The following TENM3 variants were observed in gnomAD, a reference collection of about 807,000 sequenced individuals.
TENM3 encodes the protein teneurin-3.
A neutral mutation model predicts 255.1 loss-of-function variants in TENM3; 63 were observed. The observed-to-expected ratio is 0.25, with a 90% CI of 0.20 to 0.30. TENM3 has a LOEUF of 0.30. Ranked by LOEUF, TENM3 falls within the 10% of genes least tolerant of loss-of-function variation. TENM3 has a pLI of 1.00. For missense variants in TENM3, 2,929 were observed against 3,461.1 expected (o/e 0.85, Z 3.86); for synonymous variants, 1,306 against 1,322.3 (o/e 0.99, Z 0.27).
chr4:181,735,809 G>T, the TENM3 span, among the ~76,000 whole-genome samples: 2 of 151,954 alleles, frequency 1.3e-5, no homozygotes, highest in East Asian at 1.9e-4. Flanking sequence ...TGCTGTATGG[G>T]TTCTCACTAA....
the TENM3 span, among the ~76,000 whole-genome samples, chr4:181,939,048 T>G: frequency 4.6e-5 from 7 of 152,264 alleles, no homozygotes; most frequent in South Asian, 1.5e-3. Flanking sequence ...TTCTAGGGGT[T>G]AATAAGTAAT....
At chr4:181,654,014 G>A in the TENM3 span, among the ~76,000 whole-genome samples, 1 of 151,850 alleles carries the variant, frequency 6.6e-6, no homozygotes, top group East Asian at 2.0e-4. Context: ...AGTCAGGCTG[G>A]CAAACTGAGT....
chr4:182,319,122 T>C (rs572181377), intron 1 of TENM3, among the ~76,000 whole-genome samples: 1 of 152,336 alleles, frequency 6.6e-6, no homozygotes, highest in South Asian at 2.1e-4. Context: ...GTCACCTTTC[T>C]AATGGCTTTC....
chr4:181,959,809 T>G, the TENM3 span, among the ~76,000 whole-genome samples: 1 of 152,190 alleles, frequency 6.6e-6, no homozygotes, highest in Non-Finnish European at 1.5e-5. Context: ...TGGCAGGTAG[T>G]AGATGTGAGT....
intron 4 of TENM3, among the ~76,000 whole-genome samples, chr4:182,625,104 G>T (rs895711084): frequency 6.6e-6 from 1 of 152,184 alleles, no homozygotes; most frequent in African/African-American, 2.4e-5. Context: ...CTCAGGAAAT[G>T]GCAGTTATCA....
intron 1 of TENM3, among the ~76,000 whole-genome samples, chr4:182,203,343 G>T (rs1252425158): frequency 6.6e-6 from 1 of 152,164 alleles, no homozygotes; most frequent in Non-Finnish European, 1.5e-5. Flanking sequence ...TAGGTAGCGT[G>T]GTAAAAGTTT....
chr4:182,143,403 A>AT (rs1749619533), upstream of TENM3: 1 of 166,760 alleles, frequency 6.0e-6, no homozygotes, highest in South Asian at 2.1e-4. This position sits in a 1 kb window ranked among gnomAD's most constrained non-coding sequence, Gnocchi z 4.3. Flanking sequence ...GGCGCGGGTC[A>AT]TTTTCAGAGG....
In TENM3 at chr4:182,601,132, C is replaced by A. The variant is rs1747809440; in HGVS notation, c.720C>A (p.Val240=). The part of the protein sequence containing the change: ...PESVQLQDSW[V]LGSNVPLESR... ...CCGTCCAGCTGCAGGACAGCTGGGT[C>A]CTTGGCAGTAATGTACCACTGGAAA... is the stretch of plus-strand genomic sequence containing the variant. The change falls in exon 4 of 28, where the codon GTC becomes GTA. Residue 240 remains valine (V), a synonymous_variant. Coordinates refer to ENST00000511685, the MANE Select transcript of TENM3 (RefSeq NM_001080477.4). The A allele has an allele frequency of 6.2e-7, 1 of 1,613,600 alleles. No individual in the cohort carries two copies. Among genetic ancestry groups the A allele is most frequent in the Admixed American group, 1.7e-5 (1 of 59,988 alleles).
chr4:181,783,230 C>T, the TENM3 span, among the ~76,000 whole-genome samples: 6 of 152,204 alleles, frequency 3.9e-5, no homozygotes, highest in Non-Finnish European at 7.4e-5. Flanking sequence ...GTGTTAAAGT[C>T]TCCCATTATT....
At chr4:181,470,482 G>A in the TENM3 span, among the ~76,000 whole-genome samples, 2 of 152,076 alleles carry the variant, frequency 1.3e-5, no homozygotes, top group African/African-American at 4.8e-5. Context: ...ACCCTGCAAG[G>A]TTGCTTAGTG....
At chr4:181,567,992 A>G in the TENM3 span, among the ~76,000 whole-genome samples, 2 of 152,140 alleles carry the variant, frequency 1.3e-5, no homozygotes, top group African/African-American at 2.4e-5. Context: ...AACAGAAAAA[A>G]AAATCATATA....
chr4:181,751,709 G>A, the TENM3 span, among the ~76,000 whole-genome samples: 23 of 152,114 alleles, frequency 1.5e-4, no homozygotes, highest in Non-Finnish European at 3.1e-4. Context: ...AAAATCCTAC[G>A]GTTGTAGCCA....
intron 3 of TENM3, among the ~76,000 whole-genome samples, chr4:182,441,295 A>G (rs1772463762): frequency 6.6e-6 from 1 of 152,188 alleles, no homozygotes. Context: ...CGTGAGGTTT[A>G]TGTTAGCTTA....
At chr4:182,331,075 A>G (rs986558229) in intron 2 of TENM3, among the ~76,000 whole-genome samples, 2 of 152,194 alleles carry the variant, frequency 1.3e-5, no homozygotes, top group African/African-American at 4.8e-5. Context: ...TAATACAATG[A>G]AAAGAGGACA....
intron 3 of TENM3, among the ~76,000 whole-genome samples, chr4:182,372,790 A>T (rs568541184): frequency 6.6e-6 from 1 of 152,214 alleles, no homozygotes; most frequent in Middle Eastern, 3.4e-3. Flanking sequence ...GTCCAGTGGG[A>T]TGATCTTGGC....
At chr4:182,396,739 A>C (rs1768843348) in intron 3 of TENM3, among the ~76,000 whole-genome samples, 1 of 152,176 alleles carries the variant, frequency 6.6e-6, no homozygotes, top group Admixed American at 6.5e-5. Context: ...AGGCGGGTGG[A>C]TCGCCTGAGG....
At chr4:182,649,457 A>G (rs1753058641) in intron 5 of TENM3, among the ~76,000 whole-genome samples, 1 of 150,468 alleles carries the variant, frequency 6.6e-6, no homozygotes, top group African/African-American at 2.4e-5. Context: ...CACTTTCACT[A>G]TTATATTCAC....
chr4:181,739,923 C>T, the TENM3 span, among the ~76,000 whole-genome samples: 1 of 152,208 alleles, frequency 6.6e-6, no homozygotes, highest in Non-Finnish European at 1.5e-5. Flanking sequence ...TTGGCATCAT[C>T]TGTTGATATT....
the TENM3 span, among the ~76,000 whole-genome samples, chr4:181,744,318 G>A: frequency 2.0e-5 from 3 of 152,078 alleles, no homozygotes; most frequent in Non-Finnish European, 1.5e-5. Flanking sequence ...AGAATGATTT[G>A]TATTCCTTTG....
Sources: gnomAD v4.1 joint callset for allele counts (sites outside exome capture counted in the v4.1 genomes callset) on GRCh38, gnomAD v4.1.1 for gene constraint, Gnocchi (gnomAD v3.1) non-coding constraint, MANE v1.5 for transcripts, NCBI Gene and HGNC (gene_info 2026-07-23, HGNC 2026-07-21) for gene names.